The following EYA4 variants were observed in gnomAD, a reference collection of about 807,000 sequenced individuals.
The protein encoded by EYA4 is EYA transcriptional coactivator and phosphatase 4.
EYA4 carries 31 observed loss-of-function variants against 87.9 expected under a neutral mutation model. The ratio of observed to expected loss-of-function variants is 0.35; its 90% CI spans 0.27 to 0.48. The LOEUF (loss-of-function observed/expected upper bound fraction) is 0.48, where lower values mean the gene tolerates loss of function less well. EYA4 is among the 20% of genes least tolerant of loss of function. The pLI is 0.99. For synonymous variants in EYA4, 263 were observed against 270.6 expected (o/e 0.97, Z 0.28); for missense variants, 678 against 761.4 (o/e 0.89, Z 1.29).
At chr6:133,506,032 T>C in intron 13 of EYA4, 74 bp from the exon 14 acceptor site, 2 of 884,948 alleles carry the variant, frequency 2.3e-6, no homozygotes, top group Middle Eastern at 4.3e-4. Flanking sequence ...ACCACAGCAA[T>C]ATGTGCTTAA....
intron 2 of EYA4, among the ~76,000 whole-genome samples, chr6:133,353,389 C>T (rs1783782425): frequency 6.6e-6 from 1 of 152,058 alleles, no homozygotes; most frequent in African/African-American, 2.4e-5. Context: ...TCCACTTTTC[C>T]TTCCAAATTT....
At chr6:133,380,642 A>G (rs967131160) in intron 2 of EYA4, among the ~76,000 whole-genome samples, 13 of 152,126 alleles carry the variant, frequency 8.5e-5, no homozygotes, top group Non-Finnish European at 1.9e-4. Context: ...TTGGTGATAA[A>G]TCATAGGCAA....
At chr6:133,528,080 G>A (rs566369833) in intron 19 of EYA4, among the ~76,000 whole-genome samples, 1 of 152,150 alleles carries the variant, frequency 6.6e-6, no homozygotes, top group South Asian at 2.1e-4. Context: ...GTGTCCCTTT[G>A]GAGATATCTT....
In EYA4 at chr6:133,345,844, T is replaced by C. The variant is rs200785036; in HGVS notation, c.34-36548T>C. 1.3e-4 allele frequency among the ~76,000 whole-genome samples: 20 copies of C among 152,354 alleles called. No individual in the cohort carries two copies. The East Asian group carries it at 3.5e-3, about 26-fold the overall frequency. Reference sequence around the variant, plus strand: ...TAATACATTTTGAGGCATATTTTCCTATTTTCTTCTGCACACTGCTATGCA... The same window carrying C: ...TAATACATTTTGAGGCATATTTTCCCATTTTCTTCTGCACACTGCTATGCA... On this transcript the variant is annotated intron_variant, in intron 2 of 19. Coordinates refer to ENST00000355286, the MANE Select transcript of EYA4 (RefSeq NM_004100.5).
chr6:133,449,991 CT>C (rs960524608), intron 5 of EYA4, among the ~76,000 whole-genome samples: 105 of 146,238 alleles, frequency 7.2e-4, no homozygotes, highest in Admixed American at 8.2e-4. Context: ...ATTTCAATGA[CT>C]TTTTTTTTTT....
chr6:133,409,591 CA>C (rs1789027157), intron 3 of EYA4, among the ~76,000 whole-genome samples: 1 of 151,936 alleles, frequency 6.6e-6, no homozygotes, highest in African/African-American at 2.4e-5. Flanking sequence ...ATTTCAAATA[CA>C]ACTATAACCT....
chr6:133,263,293 T>C (rs973367359), intron 1 of EYA4, among the ~76,000 whole-genome samples: 3 of 152,194 alleles, frequency 2.0e-5, no homozygotes, highest in African/African-American at 7.2e-5. Context: ...AAGGAAGAAT[T>C]GGACAACTAA....
intron 3 of EYA4, among the ~76,000 whole-genome samples, chr6:133,398,216 G>A (rs988189173): frequency 4.6e-5 from 7 of 152,152 alleles, no homozygotes; most frequent in Non-Finnish European, 1.0e-4. Context: ...GCAATTCCTG[G>A]GAATGACCAA....
At chr6:133,481,417 T>C in intron 11 of EYA4, 46 bp from the exon 12 acceptor site, 7 of 1,580,112 alleles carry the variant, frequency 4.4e-6, no homozygotes, top group Non-Finnish European at 6.1e-6. Context: ...TCATACTTGA[T>C]CTAAAAATGA....
At chr6:133,476,419 C>T (rs1795738365) in intron 11 of EYA4, among the ~76,000 whole-genome samples, 5 of 152,034 alleles carry the variant, frequency 3.3e-5, no homozygotes, top group Admixed American at 3.3e-4. Context: ...TCTCCAGCCC[C>T]ACAGCCCTTG....
intron 3 of EYA4, among the ~76,000 whole-genome samples, chr6:133,445,716 CT>C (rs1423903057): frequency 6.6e-6 from 1 of 151,970 alleles, no homozygotes; most frequent in Non-Finnish European, 1.5e-5. Flanking sequence ...GTAGCTGGGA[CT>C]ACAGGCGCCC....
intron 3 of EYA4, among the ~76,000 whole-genome samples, chr6:133,402,819 A>G (rs1788376243): frequency 6.6e-6 from 1 of 152,210 alleles, no homozygotes. Flanking sequence ...TCCCATGTTT[A>G]TAGAGAAACA....
chr6:133,530,314 C>A lies in EYA4; in HGVS notation c.*1509C>A. 1 of 985,406 alleles carries A rather than the reference C, an allele frequency of 1.0e-6. No individual in the cohort carries two copies. Among genetic ancestry groups the A allele is most frequent in the Non-Finnish European group, 1.2e-6 (1 of 829,926 alleles). The allele number at this position is 985,406 out of a possible 1,614,324, so 61.0% of individuals were successfully genotyped here. A position where few individuals can be genotyped will look rare whatever the true frequency, so the allele number is the denominator to read the frequency against. On this transcript the variant is annotated 3_prime_UTR_variant, in exon 20 of 20. Coordinates refer to ENST00000355286, the MANE Select transcript of EYA4 (RefSeq NM_004100.5). ...CGGATGGCATTCATTACAAGAAGAG[C>A]CCATCATCGTTGTGTTTGCATGGTT...
chr6:133,290,555 T>C (rs1400081375), intron 2 of EYA4, among the ~76,000 whole-genome samples: 1 of 152,054 alleles, frequency 6.6e-6, no homozygotes, highest in Non-Finnish European at 1.5e-5. Flanking sequence ...CTGTAATGGT[T>C]TTTCTACACC....
chr6:133,336,442 A>G (rs1384638670), intron 2 of EYA4, among the ~76,000 whole-genome samples: 1 of 152,208 alleles, frequency 6.6e-6, no homozygotes, highest in Admixed American at 6.5e-5. Flanking sequence ...CCTGACCACA[A>G]TCAAGCCTCT....
intron 3 of EYA4, among the ~76,000 whole-genome samples, chr6:133,434,484 T>C (rs10782249): frequency 0.15 from 22,876 of 152,164 alleles, 2,273 homozygotes; most frequent in East Asian, 0.32. Flanking sequence ...TTTTTTTGTG[T>C]GATCTTATTT....
intron 6 of EYA4, among the ~76,000 whole-genome samples, chr6:133,457,757 T>C (rs1794031435): frequency 6.6e-6 from 1 of 152,154 alleles, no homozygotes; most frequent in Non-Finnish European, 1.5e-5. Context: ...CAGTATTCTG[T>C]ATTGCACACT....
intron 19 of EYA4, 136 bp downstream of exon 19, chr6:133,525,390 T>G: frequency 1.3e-6 from 1 of 762,900 alleles, no homozygotes. Flanking sequence ...CATGAGAGGG[T>G]CAATACTTAC....
chr6:133,434,534 A>G (rs1450821600), intron 3 of EYA4, among the ~76,000 whole-genome samples: 3 of 152,182 alleles, frequency 2.0e-5, no homozygotes, highest in African/African-American at 4.8e-5. Context: ...TATTATCTCC[A>G]ATATTGAGAC....
Sources: gnomAD v4.1 joint callset for allele counts (sites outside exome capture counted in the v4.1 genomes callset) on GRCh38, gnomAD v4.1.1 for gene constraint, MANE v1.5 for transcripts, NCBI Gene and HGNC (gene_info 2026-07-23, HGNC 2026-07-21) for gene names.